Variants in HDAC4 observed in about 807,000 individuals in gnomAD.
The protein encoded by HDAC4 is histone deacetylase A.
Under a neutral mutation model 135.1 loss-of-function variants are expected in HDAC4, and 16 were observed. That is an observed-to-expected ratio of 0.12 (90% CI 0.08 to 0.18). HDAC4 has a LOEUF of 0.18. Among genes scored for constraint, HDAC4 ranks in the 10% least tolerant of loss-of-function variants. The probability of loss-of-function intolerance (pLI) is 1.00; values close to 1 mark genes in which losing one functional copy is unlikely to be tolerated. For missense variants in HDAC4, 1,143 were observed against 1,511.8 expected, an observed-to-expected ratio of 0.76 and a Z score of 4.05; for synonymous variants, 685 against 653.4, an observed-to-expected ratio of 1.05 and a Z score of -0.74.
intron 2 of HDAC4, among the ~76,000 whole-genome samples, chr2:239,316,793 T>C (rs763033812): frequency 1.1e-4 from 16 of 152,094 alleles, no homozygotes; most frequent in South Asian, 2.1e-4. Context: ...GGGTAGCTCA[T>C]GGGGACAGGG....
intron 5 of HDAC4, among the ~76,000 whole-genome samples, chr2:239,169,191 T>G (rs1408053498): frequency 6.6e-6 from 1 of 152,208 alleles, no homozygotes; most frequent in African/African-American, 2.4e-5. Flanking sequence ...ATTTAAATTT[T>G]AAACTTCAAT....
At chr2:239,339,640 A>T (rs1692171639) in intron 2 of HDAC4, among the ~76,000 whole-genome samples, 1 of 152,224 alleles carries the variant, frequency 6.6e-6, no homozygotes, top group African/African-American at 2.4e-5. Flanking sequence ...GAATCTTCCC[A>T]GAGAACCACA....
At chr2:239,311,445 T>C (rs2052873242) in intron 2 of HDAC4, among the ~76,000 whole-genome samples, 1 of 152,226 alleles carries the variant, frequency 6.6e-6, no homozygotes, top group African/African-American at 2.4e-5. Flanking sequence ...GCAGAACACA[T>C]AACTCCTGGC....
intron 1 of HDAC4, among the ~76,000 whole-genome samples, chr2:239,381,866 C>T (rs957277229): frequency 1.3e-5 from 2 of 152,144 alleles, no homozygotes; most frequent in East Asian, 3.9e-4. Flanking sequence ...ACCTCCTAGG[C>T]GAGAGATCCC....
chr2:239,261,506 G>A (rs2049365842), intron 2 of HDAC4, among the ~76,000 whole-genome samples: 2 of 152,130 alleles, frequency 1.3e-5, no homozygotes, highest in South Asian at 4.1e-4. Context: ...GGCATCCTAG[G>A]ACATGACAAA....
intron 14 of HDAC4, among the ~76,000 whole-genome samples, chr2:239,111,037 G>A (rs1407799185): frequency 2.0e-5 from 3 of 152,386 alleles, no homozygotes; most frequent in South Asian, 2.1e-4. Context: ...GACAGAGGAC[G>A]TGTGGCTCCC....
rs566399510 is a variant in HDAC4, at chr2:239,219,997, C to T, written c.94+16596G>A. On this transcript the variant is annotated intron_variant, in intron 3 of 26. Transcript: ENST00000543185. ...GAGGATGGGAATAGTACAATTCTTACTTCAGCCAACAGATAGGCCTCGAAC... is the reference window on the plus strand; with the variant it reads ...GAGGATGGGAATAGTACAATTCTTATTTCAGCCAACAGATAGGCCTCGAAC... Among the ~76,000 whole-genome samples the T allele has an allele frequency of 1.3e-4, 20 of 152,354 alleles. No individual in the cohort carries two copies. In the East Asian group the frequency reaches 2.7e-3, roughly 21 times the overall value.
intron 2 of HDAC4, among the ~76,000 whole-genome samples, chr2:239,325,626 T>C (rs969225060): frequency 6.6e-6 from 1 of 152,138 alleles, no homozygotes; most frequent in Non-Finnish European, 1.5e-5. Context: ...GGCAGGAACA[T>C]AAAATGGTGC....
chr2:239,156,392 A>G (rs554113418), intron 7 of HDAC4, among the ~76,000 whole-genome samples: 26 of 152,350 alleles, frequency 1.7e-4, no homozygotes, highest in African/African-American at 6.0e-4. Context: ...AAAGAAAACT[A>G]AACTGAGTGT....
intron 4 of HDAC4, among the ~76,000 whole-genome samples, chr2:239,180,095 CCTT>C: frequency 6.6e-6 from 1 of 152,294 alleles, no homozygotes; most frequent in Middle Eastern, 3.4e-3. Flanking sequence ...CTTGCTGGGT[CCTT>C]CTTCACATGA....
intron 2 of HDAC4, among the ~76,000 whole-genome samples, chr2:239,249,805 TTAAG>T (rs1190118897): frequency 6.6e-6 from 1 of 151,920 alleles, no homozygotes; most frequent in East Asian, 1.9e-4. Context: ...GAGCTGAATA[TTAAG>T]TGACACACAC....
Position 239,053,034 on chromosome 2 carries a change from G to A in HDAC4, c.*63C>T. The A allele has an allele frequency of 6.3e-7, 1 of 1,598,958 alleles. No homozygotes were observed. The highest frequency in any genetic ancestry group is 8.6e-7 in the Non-Finnish European group (1 of 1,166,196). ...TGGGACGCAGGCGTGACACGGGAAA[G>A]TTTCTTGGCTGAGCTTCAAGACAGA... On this transcript the variant is annotated 3_prime_UTR_variant, in exon 27 of 27. Transcript: ENST00000543185.
chr2:239,074,550 G>C (rs1009186799), intron 22 of HDAC4, among the ~76,000 whole-genome samples: 3 of 152,202 alleles, frequency 2.0e-5, no homozygotes, highest in African/African-American at 7.2e-5. Flanking sequence ...CTGGCACGTC[G>C]GCCACACGTG....
chr2:239,322,085 C>T (rs899726358), intron 2 of HDAC4, among the ~76,000 whole-genome samples: 3 of 152,224 alleles, frequency 2.0e-5, no homozygotes, highest in Non-Finnish European at 4.4e-5. Flanking sequence ...TAGAGGTTTC[C>T]TACTGGTTAC....
intron 2 of HDAC4, among the ~76,000 whole-genome samples, chr2:239,286,561 C>G (rs1457861364): frequency 6.6e-6 from 1 of 152,158 alleles, no homozygotes; most frequent in Admixed American, 6.5e-5. Flanking sequence ...GACTATGGAG[C>G]AATATTTAAA....
At chr2:239,142,974 G>T (rs2041501093) in intron 8 of HDAC4, among the ~76,000 whole-genome samples, 2 of 150,438 alleles carry the variant, frequency 1.3e-5, no homozygotes, top group South Asian at 4.2e-4. Flanking sequence ...TGGCTCCTGG[G>T]TGAGCTCAGC....
chr2:239,156,820 C>A, intron 6 of HDAC4, 47 bp from the exon 7 acceptor site: 1 of 1,612,348 alleles, frequency 6.2e-7, no homozygotes, highest in Non-Finnish European at 8.5e-7. Context: ...CAGCGCACTG[C>A]CCCAGGCATG....
At chr2:239,070,925 TTG>T (rs1386856473) in intron 22 of HDAC4, among the ~76,000 whole-genome samples, 23 of 49,630 alleles carry the variant, frequency 4.6e-4, no homozygotes, top group African/African-American at 2.0e-3. Context: ...GCAGTCTCTG[TTG>T]TTTTTTTTTT....
chr2:239,387,037 G>A (rs934634057), intron 1 of HDAC4, among the ~76,000 whole-genome samples: 4 of 152,260 alleles, frequency 2.6e-5, no homozygotes, highest in East Asian at 1.9e-4. Context: ...ATGTCTGTCC[G>A]TGCGTCTATC....
Sources: allele counts gnomAD v4.1 joint callset (sites outside exome capture counted in the v4.1 genomes callset), GRCh38; gene constraint gnomAD v4.1.1; transcripts MANE v1.5; gene names NCBI Gene and HGNC (gene_info 2026-07-23, HGNC 2026-07-21).